The following LAMB4 variants were observed in gnomAD, a reference collection of about 807,000 sequenced individuals.
LAMB4 encodes the protein laminin subunit beta-4.
In LAMB4, 196 loss-of-function variants were observed where a neutral mutation model predicts 199.2. That is an observed-to-expected ratio of 0.98 (90% CI 0.88 to 1.11). The LOEUF (loss-of-function observed/expected upper bound fraction) is 1.11. Among genes scored for constraint, LAMB4 ranks in the 50% least tolerant of loss-of-function variants. The probability of loss-of-function intolerance (pLI) is 0.00; values close to 1 mark genes in which losing one functional copy is unlikely to be tolerated. For synonymous variants in LAMB4, 744 were observed against 770.6 expected, an observed-to-expected ratio of 0.97 and a Z score of 0.57; for missense variants, 2,080 against 2,171.2, an observed-to-expected ratio of 0.96 and a Z score of 0.83.
Position 108,077,071 on chromosome 7 carries a change from T to G in LAMB4, c.2004-7A>C, listed in dbSNP as rs761658066. ...TGTGGGAAGCAGCATGATTCTGTAT[T>G]AAGAAAGATAAAGCAAAAATTCAGA... On this transcript the variant is annotated splice_region_variant and splice_polypyrimidine_tract_variant and intron_variant, in intron 16 of 33. Coordinates refer to ENST00000388781, the MANE Select transcript of LAMB4 (RefSeq NM_007356.3). The G allele has an allele frequency of 3.1e-6, 5 of 1,611,858 alleles. No homozygotes were observed. The highest frequency in any genetic ancestry group is 1.7e-4 in the Middle Eastern group (1 of 6,042).
At position 108,091,695 on chromosome 7, in the gene LAMB4, G is replaced by C. The variant is rs769066942; in HGVS notation, c.1632C>G (p.Phe544Leu). 4.0e-5 allele frequency: 65 copies of C among 1,614,096 alleles called. No homozygotes were observed. The Middle Eastern group carries it at 2.6e-3, about 65-fold the overall frequency. Residue 544 changes from phenylalanine to leucine, a missense_variant, in exon 14 of 34, where the codon TTC becomes TTG. Physicochemically the swap from Phe to Leu is conservative, Grantham distance 22. Transcript: ENST00000388781. ...RSCSEPAPGY[F>L]FAPLNFYLYE... is the part of the protein sequence containing the mutation. ...AGAGATAGAAATTCAAAGGAGCAAA[G>C]AAGTAGCCAGGGGCTGGTTCAGAGC...
intron 33 of LAMB4, chr7:108,026,994 T>C: frequency 2.2e-6 from 1 of 463,166 alleles, no homozygotes; most frequent in South Asian, 1.7e-5. Flanking sequence ...CAACTTCTCT[T>C]CCAATCTAAT....
In LAMB4 at chr7:108,062,901, C is replaced by T; in HGVS notation, c.3155G>A (p.Cys1052Tyr). ...LCDPVTGACP[C>Y]LPNVTGLACD... Reference sequence around the variant, plus strand: ...GGCCAGGCCTGTGACATTCGGCAGACAAGGACATGCACCAGTGACAGGGTC... The same window carrying T: ...GGCCAGGCCTGTGACATTCGGCAGATAAGGACATGCACCAGTGACAGGGTC... Residue 1052 changes from cysteine (C) to tyrosine (Y), a missense_variant, in exon 23 of 34, where the codon TGT becomes TAT. Transcript: ENST00000388781. 6.2e-7 allele frequency: 1 copy of T among 1,608,956 alleles called. No individual in the cohort carries two copies. Among genetic ancestry groups the T allele is most frequent in the East Asian group, 2.3e-5 (1 of 44,344 alleles).
chr7:108,026,809 GAGGAAC>G, intron 33 of LAMB4: 1 of 472,998 alleles, frequency 2.1e-6, no homozygotes. Flanking sequence ...TCCTAACAGA[GAGGAAC>G]AGGCACAGCC....
chr7:108,066,757 A>AC (rs1296417156), intron 19 of LAMB4, among the ~76,000 whole-genome samples, 157 bp from the exon 20 acceptor site: 1 of 152,140 alleles, frequency 6.6e-6, no homozygotes, highest in African/African-American at 2.4e-5. Context: ...TTCCAGGTAA[A>AC]CGTTAAATAA....
At position 108,063,832 on chromosome 7, in the gene LAMB4, T is replaced by C. The variant is rs770113179; in HGVS notation, c.2990A>G (p.Asn997Ser). 1.2e-6 allele frequency: 2 copies of C among 1,614,194 alleles called. No individual in the cohort carries two copies. The highest frequency in any genetic ancestry group is 2.2e-5 in the South Asian group (2 of 91,076). ...GAGCTGGCAGTTTGCGCCCTGAGTG[T>C]TGTGCAAACATCGAAGGCACTCCCC... The part of the protein sequence containing the change: ...VTGECLRCLH[N>S]TQGANCQLCK... Residue 997 changes from asparagine to serine, a missense_variant, in exon 22 of 34, where the codon AAC becomes AGC. Transcript: ENST00000388781.
intron 23 of LAMB4, among the ~76,000 whole-genome samples, chr7:108,059,590 G>A (rs1011685047): frequency 6.6e-6 from 1 of 152,134 alleles, no homozygotes; most frequent in Non-Finnish European, 1.5e-5. Flanking sequence ...CAATGCTCCT[G>A]GCACCACCAG....
chr7:108,107,524 G>T, intron 6 of LAMB4, 107 bp downstream of exon 6: 1 of 820,542 alleles, frequency 1.2e-6, no homozygotes, highest in Non-Finnish European at 1.9e-6. Flanking sequence ...AAAAGCAACA[G>T]CCCAACTTAC....
chr7:108,121,180 T>C (rs2038585681), intron 2 of LAMB4, among the ~76,000 whole-genome samples: 1 of 152,222 alleles, frequency 6.6e-6, no homozygotes, highest in Non-Finnish European at 1.5e-5. Flanking sequence ...AGATAGAACC[T>C]GAAGATAGAA....
intron 14 of LAMB4, among the ~76,000 whole-genome samples, chr7:108,084,093 C>T (rs1004588562): frequency 6.6e-6 from 1 of 152,196 alleles, no homozygotes; most frequent in Non-Finnish European, 1.5e-5. Context: ...TGCAGGGGCT[C>T]CAGCCCATGA....
At chr7:108,114,400 C>G (rs2038339407) in intron 3 of LAMB4, among the ~76,000 whole-genome samples, 1 of 152,038 alleles carries the variant, frequency 6.6e-6, no homozygotes, top group African/African-American at 2.4e-5. Flanking sequence ...GATCATGCTA[C>G]TGCATGCCAG....
intron 3 of LAMB4, among the ~76,000 whole-genome samples, chr7:108,115,481 C>T (rs773671866): frequency 3.3e-5 from 5 of 152,136 alleles, no homozygotes; most frequent in Non-Finnish European, 7.4e-5. Flanking sequence ...TCAGCCTGGG[C>T]AACATAGTGA....
intron 22 of LAMB4, 82 bp from the exon 23 acceptor site, chr7:108,063,076 C>G (rs1292223882): frequency 1.3e-6 from 1 of 775,162 alleles, no homozygotes; most frequent in Non-Finnish European, 2.0e-6. Flanking sequence ...CGTTTTAGAC[C>G]TGGATGTATC....
At chr7:108,109,540 T>C (rs2038144363) in intron 4 of LAMB4, among the ~76,000 whole-genome samples, 1 of 152,168 alleles carries the variant, frequency 6.6e-6, no homozygotes, top group Admixed American at 6.5e-5. Flanking sequence ...TTGCCCTAGG[T>C]GGAAAGAGAG....
At chr7:108,099,258 T>C (rs1052379103) in intron 10 of LAMB4, among the ~76,000 whole-genome samples, 1 of 152,130 alleles carries the variant, frequency 6.6e-6, no homozygotes, top group African/African-American at 2.4e-5. Context: ...TTCTGGAAAA[T>C]GGGATAAACA....
chr7:108,032,339 G>A (rs911939948), intron 31 of LAMB4, among the ~76,000 whole-genome samples: 6 of 151,930 alleles, frequency 3.9e-5, no homozygotes, highest in Non-Finnish European at 5.9e-5. Flanking sequence ...GCAGTGAGCC[G>A]AGATTGTGCC....
At chr7:108,112,172 T>C (rs1425224941) in intron 3 of LAMB4, among the ~76,000 whole-genome samples, 1 of 152,160 alleles carries the variant, frequency 6.6e-6, no homozygotes, top group Non-Finnish European at 1.5e-5. Context: ...AAAATGCAAA[T>C]TTATGTAAAA....
At chr7:108,046,991 CCCT>C (rs2035649730) in intron 28 of LAMB4, among the ~76,000 whole-genome samples, 1 of 151,434 alleles carries the variant, frequency 6.6e-6, no homozygotes, top group Non-Finnish European at 1.5e-5. Flanking sequence ...GGTCTTGAAC[CCCT>C]GGGCTCAAGG....
chr7:108,063,149 A>G (rs752102845), intron 22 of LAMB4, among the ~76,000 whole-genome samples, 155 bp from the exon 23 acceptor site: 5 of 152,204 alleles, frequency 3.3e-5, no homozygotes, highest in South Asian at 2.1e-4. Flanking sequence ...CAAAGAATCT[A>G]TGTAGGTTGA....
Sources: gnomAD v4.1 joint callset for allele counts (sites outside exome capture counted in the v4.1 genomes callset) on GRCh38, gnomAD v4.1.1 for gene constraint, MANE v1.5 for transcripts, NCBI Gene and HGNC (gene_info 2026-07-23, HGNC 2026-07-21) for gene names.